PLCL1: variants seen among roughly 807,000 people sequenced by gnomAD.
PLCL1 encodes the protein inactive phospholipase C-like protein 1.
In PLCL1, 41 loss-of-function variants were observed where a neutral mutation model predicts 84.4. That is an observed-to-expected ratio of 0.49 (90% confidence interval 0.38 to 0.63). PLCL1 has a LOEUF of 0.63. Among genes scored for constraint, PLCL1 ranks in the 30% least tolerant of loss-of-function variants. The probability of loss-of-function intolerance (pLI) is 0.00; values close to 1 mark genes in which losing one functional copy is unlikely to be tolerated. For missense variants in PLCL1, 1,206 were observed against 1,367.8 expected (o/e 0.88, Z 1.87); for synonymous variants, 490 against 488.3 (o/e 1.00, Z -0.05).
intron 1 of PLCL1, among the ~76,000 whole-genome samples, chr2:197,887,964 T>C (rs539822322): frequency 6.6e-6 from 1 of 152,038 alleles, no homozygotes; most frequent in East Asian, 1.9e-4. Flanking sequence ...CGGTGGTGTG[T>C]GGCTCTGGTC....
chr2:198,125,397 T>C (rs1240383092), intron 5 of PLCL1, among the ~76,000 whole-genome samples: 1 of 152,006 alleles, frequency 6.6e-6, no homozygotes, highest in Non-Finnish European at 1.5e-5. Context: ...TTATTTAAAA[T>C]ATATGACTAC....
chr2:197,897,594 G>A (rs1304158446), intron 1 of PLCL1, among the ~76,000 whole-genome samples: 1 of 151,732 alleles, frequency 6.6e-6, no homozygotes, highest in Admixed American at 6.6e-5. Context: ...AAAAATTATT[G>A]TTTGCTTTAA....
chr2:198,020,231 G>A lies in PLCL1; in HGVS notation c.241-63527G>A, dbSNP rs572308869. ...CCAGGCCTGACTTACAAGAGCTCCT[G>A]AAGGAAGCACTAAATATGGGAAGGA... On this transcript the variant is annotated intron_variant, in intron 1 of 5. Transcript: ENST00000428675. 2.6e-5 allele frequency among the ~76,000 whole-genome samples: 4 copies of A among 152,286 alleles called. No homozygotes were observed. In the South Asian group the frequency reaches 8.3e-4, roughly 32 times the overall value.
chr2:197,995,873 TTCTG>T (rs1433076962), intron 1 of PLCL1, among the ~76,000 whole-genome samples: 1 of 152,140 alleles, frequency 6.6e-6, no homozygotes, highest in African/African-American at 2.4e-5. Flanking sequence ...AGCAAGAACT[TTCTG>T]TCTTAGTGAC....
intron 1 of PLCL1, among the ~76,000 whole-genome samples, chr2:197,925,496 T>A (rs960749442): frequency 2.6e-5 from 4 of 152,196 alleles, no homozygotes; most frequent in Non-Finnish European, 4.4e-5. Context: ...AGCTCTTCAA[T>A]GTGGTGATTT....
intron 1 of PLCL1, among the ~76,000 whole-genome samples, chr2:197,842,745 A>G (rs1328719597): frequency 6.6e-6 from 1 of 152,148 alleles, no homozygotes; most frequent in Admixed American, 6.6e-5. Flanking sequence ...ACCAGCACCT[A>G]AAATTGTTCT....
chr2:198,086,374 ACTTTG>A (rs1364327382), intron 2 of PLCL1, 142 bp downstream of exon 2: 1 of 638,788 alleles, frequency 1.6e-6, no homozygotes, highest in African/African-American at 1.8e-5. Flanking sequence ...TAATCCCAGC[ACTTTG>A]GGAGGCTGAG....
chr2:197,857,154 T>A (rs564514040), intron 1 of PLCL1, among the ~76,000 whole-genome samples: 7 of 150,910 alleles, frequency 4.6e-5, no homozygotes, highest in South Asian at 4.2e-4. Context: ...GTTGGAAATT[T>A]AAAAAAAAGA....
rs80329945 is a variant in PLCL1 at position 198,134,412 on chromosome 2, T to C, written c.3106-12368T>C. Among the ~76,000 whole-genome samples, 1,031 of 152,250 alleles carry C rather than the reference T, an allele frequency of 6.8e-3. 13 individuals are homozygous for C. The highest frequency in any genetic ancestry group is 0.023 in the African/African-American group (968 of 41,550). ...CTAAGAAGTAGCATGTTTTATTTTATAGCTGCCTTAGCCTCATTCATTAAA... is the reference window on the plus strand; with the variant it reads ...CTAAGAAGTAGCATGTTTTATTTTACAGCTGCCTTAGCCTCATTCATTAAA... On this transcript the variant is annotated intron_variant, in intron 5 of 5. Coordinates refer to ENST00000428675, the MANE Select transcript of PLCL1 (RefSeq NM_006226.4).
chr2:198,008,937 C>T (rs551202540), intron 1 of PLCL1, among the ~76,000 whole-genome samples: 1 of 152,090 alleles, frequency 6.6e-6, no homozygotes, highest in South Asian at 2.1e-4. Flanking sequence ...TTTTTATTTG[C>T]ACTCTTCTAA....
chr2:197,936,166 A>G (rs1034549968), intron 1 of PLCL1, among the ~76,000 whole-genome samples: 1 of 134,764 alleles, frequency 7.4e-6, no homozygotes, highest in Non-Finnish European at 1.6e-5. Flanking sequence ...CCATTCATGC[A>G]TTGATGGACA....
At chr2:198,106,023 A>G (rs1167569672) in intron 5 of PLCL1, among the ~76,000 whole-genome samples, 1 of 151,956 alleles carries the variant, frequency 6.6e-6, no homozygotes, top group Non-Finnish European at 1.5e-5. Flanking sequence ...CATTTAAAGA[A>G]CACTCATTTT....
chr2:197,986,929 A>G (rs1429509721), intron 1 of PLCL1, among the ~76,000 whole-genome samples: 2 of 152,190 alleles, frequency 1.3e-5, no homozygotes, highest in Admixed American at 1.3e-4. Flanking sequence ...TTTCATACTG[A>G]TAACAACTTC....
intron 1 of PLCL1, among the ~76,000 whole-genome samples, chr2:197,926,300 T>A (rs1688828806): frequency 6.6e-6 from 1 of 152,208 alleles, no homozygotes; most frequent in Admixed American, 6.5e-5. Context: ...AACATCAGAA[T>A]GTGACAAGCA....
Position 198,084,928 on chromosome 2 carries a change from G to A in PLCL1, c.1411G>A (p.Val471Ile), listed in dbSNP as rs758473887. ...NMTTHVSFRS[V>I]IEVINKFAFV... ...GACAACCCATGTTTCCTTTCGAAGT[G>A]TCATAGAGGTAATAAATAAATTTGC... The change falls in exon 2 of 6, where the codon GTC (valine) becomes ATC (isoleucine). Residue 471 changes from valine (V) to isoleucine (I), a missense_variant. Transcript: ENST00000428675. 5.0e-6 allele frequency: 8 copies of A among 1,613,956 alleles called. No individual in the cohort carries two copies. The Admixed American group carries it at 1.3e-4, about 27-fold the overall frequency.
At chr2:197,983,802 C>T (rs1690166563) in intron 1 of PLCL1, among the ~76,000 whole-genome samples, 1 of 152,196 alleles carries the variant, frequency 6.6e-6, no homozygotes, top group Non-Finnish European at 1.5e-5. Flanking sequence ...TGCCATTTTA[C>T]ACACCAGGTC....
chr2:198,050,738 T>C lies in PLCL1; in HGVS notation c.241-33020T>C, dbSNP rs533065537. On this transcript the variant is annotated intron_variant, in intron 1 of 5. Transcript: ENST00000428675. ...ATTATTTGGAATTAAAAATTCCCCT[T>C]CTAGTTTTTCCCCTAAAAAGTCCCT... is the stretch of plus-strand genomic sequence containing the variant. Among the ~76,000 whole-genome samples, 23 of 152,306 alleles carry C rather than the reference T, an allele frequency of 1.5e-4. 1 individual carries two copies. The South Asian group carries it at 4.6e-3, about 30-fold the overall frequency.
At chr2:197,861,129 G>T (rs143804903) in intron 1 of PLCL1, among the ~76,000 whole-genome samples, 2 of 152,298 alleles carry the variant, frequency 1.3e-5, no homozygotes, top group East Asian at 3.9e-4. Flanking sequence ...GGTAGCTTCA[G>T]GATGGGGGCT....
chr2:198,031,718 T>C (rs1464754532), intron 1 of PLCL1, among the ~76,000 whole-genome samples: 1 of 151,716 alleles, frequency 6.6e-6, no homozygotes, highest in Non-Finnish European at 1.5e-5. Context: ...TTTTATATTA[T>C]TGTTATTCAT....
Sources: gnomAD v4.1 joint callset for allele counts (sites outside exome capture counted in the v4.1 genomes callset) on GRCh38, gnomAD v4.1.1 for gene constraint, MANE v1.5 for transcripts, NCBI Gene and HGNC (gene_info 2026-07-23, HGNC 2026-07-21) for gene names.